TRPV2: variants seen among roughly 807,000 people sequenced by gnomAD.
The protein encoded by TRPV2 is transient receptor potential cation channel subfamily V member 2.
TRPV2 carries 58 observed loss-of-function variants against 91.0 expected under a neutral mutation model. That is an observed-to-expected ratio of 0.64 (90% CI 0.52 to 0.79). The LOEUF is 0.79. Among genes scored for constraint, TRPV2 ranks in the 30% least tolerant of loss-of-function variants. The pLI, the probability that TRPV2 is intolerant of heterozygous loss-of-function variation, is 0.00. For missense variants in TRPV2, 807 were observed against 969.6 expected (o/e 0.83, Z 2.23); for synonymous variants, 417 against 414.8 (o/e 1.01, Z -0.06).
intron 13 of TRPV2, among the ~76,000 whole-genome samples, chr17:16,434,314 A>G (rs1193999459): frequency 2.0e-5 from 3 of 152,050 alleles, no homozygotes; most frequent in Non-Finnish European, 4.4e-5. Context: ...TAAAAATACA[A>G]AAAAGTAGCC....
chr17:16,434,455 G>C (rs1394969357), intron 13 of TRPV2, among the ~76,000 whole-genome samples: 1 of 135,270 alleles, frequency 7.4e-6, no homozygotes, highest in Non-Finnish European at 1.6e-5. Flanking sequence ...GCGACAGAGC[G>C]AGACTCCATC....
At chr17:16,433,138 C>G (rs180831201) in intron 12 of TRPV2, 1 of 158,116 alleles carries the variant, frequency 6.3e-6, no homozygotes, top group African/African-American at 2.4e-5. Context: ...TTGGGGAAGC[C>G]CCTTATCTCC....
intron 3 of TRPV2, among the ~76,000 whole-genome samples, chr17:16,420,815 C>T (rs1400374090): frequency 2.6e-5 from 4 of 152,170 alleles, no homozygotes; most frequent in Non-Finnish European, 5.9e-5. Context: ...GGGGTTTTGC[C>T]ATGTTGCCCA....
chr17:16,426,602 G>C lies in TRPV2; in HGVS notation c.1096-120G>C. The C allele has an allele frequency of 4.0e-6, 5 of 1,241,298 alleles. No individual in the cohort carries two copies. The South Asian group carries it at 7.6e-5, about 19-fold the overall frequency. 76.9% of individuals were successfully genotyped at this position (1,241,298 alleles called of 1,614,324 possible). A position where few individuals can be genotyped will look rare whatever the true frequency, so the allele number is the denominator to read the frequency against. ...AGGTCCTTTGGGGCTCCTGGGGTGT[G>C]GAAGCCTGCTCCCTGTCCTCTCTCC... On this transcript the variant is annotated intron_variant, in intron 6 of 14. Transcript: ENST00000338560. This position sits in a 1 kb window ranked among gnomAD's most constrained non-coding sequence, Gnocchi z 6.0.
chr17:16,422,118 C>T (rs536462257), intron 3 of TRPV2, among the ~76,000 whole-genome samples: 1 of 151,642 alleles, frequency 6.6e-6, no homozygotes, highest in Non-Finnish European at 1.5e-5. Context: ...TCCTGGCTAA[C>T]ACGGTAAAAC....
intron 12 of TRPV2, 139 bp downstream of exon 12, chr17:16,432,439 C>CTTTT (rs5819571): frequency 7.7e-3 from 4,076 of 531,678 alleles, no homozygotes; most frequent in Non-Finnish European, 8.9e-3. Context: ...CTTCCTCTTC[C>CTTTT]TTTTTTTTTT....
chr17:16,428,517 G>A (rs2093395430), intron 9 of TRPV2, 130 bp downstream of exon 9: 1 of 1,007,294 alleles, frequency 9.9e-7, no homozygotes, highest in Non-Finnish European at 1.5e-6. Context: ...CTGTGTACAG[G>A]CCAGTCCCAG....
At chr17:16,433,750 TG>T in intron 13 of TRPV2, 52 bp downstream of exon 13, 1 of 1,600,006 alleles carries the variant, frequency 6.2e-7, no homozygotes. Context: ...CAGCAATCCC[TG>T]GGGCCCCCCT....
At chr17:16,436,005 C>A (rs1338973539) in intron 14 of TRPV2, among the ~76,000 whole-genome samples, 8 of 152,176 alleles carry the variant, frequency 5.3e-5, no homozygotes, top group Admixed American at 3.9e-4. Context: ...CCAACAGGAA[C>A]AGCCTCGGGG....
In TRPV2 at chr17:16,432,149, A is replaced by G; in HGVS notation, c.1838A>G (p.Gln613Arg). The G allele has an allele frequency of 6.2e-7, 1 of 1,614,258 alleles. No homozygotes were observed. Among genetic ancestry groups the G allele is most frequent in the Non-Finnish European group, 8.5e-7 (1 of 1,180,042 alleles). ...ATCGGCATGGGCGAGCTGGCCTTCC[A>G]GGAGCAGCTGCACTTCCGCGGCATG... ...FTIGMGELAF[Q>R]EQLHFRGMVL... Residue 613 changes from glutamine to arginine, a missense_variant, in exon 12 of 15, where the codon CAG becomes CGG. Physicochemically the swap from Gln to Arg is conservative, Grantham distance 43. Transcript: ENST00000338560.
chr17:16,423,823 CA>C (rs2093370009), intron 5 of TRPV2, 56 bp downstream of exon 5: 5 of 1,479,282 alleles, frequency 3.4e-6, no homozygotes, highest in Admixed American at 2.2e-5. Context: ...GGTCTCATCC[CA>C]AAATTTCTGC....
In TRPV2 at chr17:16,420,109, C is replaced by T. The variant is rs1195921048; in HGVS notation, c.201-6C>T. On this transcript the variant is annotated splice_region_variant and splice_polypyrimidine_tract_variant and intron_variant, in intron 2 of 14. Transcript: ENST00000338560. The stretch of plus-strand genomic sequence containing the variant: ...CAGCATGAGTCACAAACCACATCCT[C>T]CACAGTCAGCCGGATCCAAACCGAT... 1.2e-6 allele frequency: 2 copies of T among 1,611,130 alleles called. No homozygotes were observed. The highest frequency in any genetic ancestry group is 1.1e-5 in the South Asian group (1 of 90,916).
Position 16,427,501 on chromosome 17 carries a change from G to A in TRPV2, c.1304G>A (p.Gly435Asp). 7 of 1,613,810 alleles carry A rather than the reference G, an allele frequency of 4.3e-6. No homozygotes were observed. The highest frequency in any genetic ancestry group is 5.9e-6 in the Non-Finnish European group (7 of 1,179,780). Residue 435 changes from glycine (G) to aspartate (D), a missense_variant, in exon 8 of 15, where the codon GGC becomes GAC. Gly to Asp is a moderately conservative substitution (Grantham distance 94). Transcript: ENST00000338560. ...GTTGGAAACTCCATGCTGCTGACGG[G>A]CCACATCCTTATCCTGCTAGGGGGG... The part of the protein sequence containing the change: ...AEVGNSMLLT[G>D]HILILLGGIY...
intron 8 of TRPV2, 53 bp downstream of exon 8, chr17:16,427,600 AG>A: frequency 6.5e-7 from 1 of 1,545,482 alleles, no homozygotes; most frequent in Non-Finnish European, 8.8e-7. Flanking sequence ...ATTCTGCTTC[AG>A]GGGGCTTAGA....
At chr17:16,430,395 T>C (rs900831935) in intron 10 of TRPV2, among the ~76,000 whole-genome samples, 1 of 152,164 alleles carries the variant, frequency 6.6e-6, no homozygotes, top group African/African-American at 2.4e-5. Context: ...AGTGGAATCA[T>C]ACAGTATTTG....
intron 5 of TRPV2, among the ~76,000 whole-genome samples, chr17:16,425,660 T>C (rs929035798): frequency 6.6e-6 from 1 of 152,180 alleles, no homozygotes; most frequent in South Asian, 2.1e-4. Flanking sequence ...GTTCCTCCTT[T>C]CCCATTCCTC....
At chr17:16,432,439 CTTT>C (rs5819571) in intron 12 of TRPV2, 139 bp downstream of exon 12, 253 of 534,554 alleles carry the variant, frequency 4.7e-4, no homozygotes, top group Middle Eastern at 1.0e-3. Flanking sequence ...CTTCCTCTTC[CTTT>C]TTTTTTTTTT....
chr17:16,422,535 C>T (rs961998400), intron 3 of TRPV2, 64 bp from the exon 4 acceptor site: 15 of 1,534,332 alleles, frequency 9.8e-6, no homozygotes, highest in African/African-American at 4.1e-5. Context: ...TAAGAGCTAT[C>T]GGGCAGCCCA....
chr17:16,416,854 A>G (rs1426731688), intron 1 of TRPV2, among the ~76,000 whole-genome samples: 1 of 152,094 alleles, frequency 6.6e-6, no homozygotes, highest in Non-Finnish European at 1.5e-5. Context: ...TTCTTCTTAG[A>G]GCTCCCCTTC....
Sources: allele counts gnomAD v4.1 joint callset (sites outside exome capture counted in the v4.1 genomes callset), GRCh38; gene constraint gnomAD v4.1.1; non-coding constraint Gnocchi (gnomAD v3.1); transcripts MANE v1.5; gene names NCBI Gene and HGNC (gene_info 2026-07-23, HGNC 2026-07-21).